PRR16: variants seen among roughly 807,000 people sequenced by gnomAD.
PRR16 encodes protein Largen.
A neutral mutation model predicts 18.2 loss-of-function variants in PRR16; 6 were observed. That is an observed-to-expected ratio of 0.33 (90% CI 0.18 to 0.65). PRR16 has a LOEUF of 0.65. Ranked by LOEUF, PRR16 falls within the 30% of genes least tolerant of loss-of-function variation. The pLI, the probability that PRR16 is intolerant of heterozygous loss-of-function variation, is 0.74. For synonymous variants in PRR16, 151 were observed against 147.8 expected (o/e 1.02, Z -0.16); for missense variants, 412 against 376.6 (o/e 1.09, Z -0.78).
chr5:120,766,874 C>T, the PRR16 span, among the ~76,000 whole-genome samples: 1 of 151,950 alleles, frequency 6.6e-6, no homozygotes, highest in Non-Finnish European at 1.5e-5. Context: ...TCAATTCTGG[C>T]AGGTAGAATA....
chr5:120,791,988 A>T, the PRR16 span, among the ~76,000 whole-genome samples: 1 of 152,158 alleles, frequency 6.6e-6, no homozygotes, highest in African/African-American at 2.4e-5. Context: ...TCAAATTGCC[A>T]GTTCCTGTGA....
intron 1 of PRR16, among the ~76,000 whole-genome samples, chr5:120,523,720 TACA>T (rs751792865): frequency 2.0e-5 from 3 of 152,192 alleles, no homozygotes; most frequent in Admixed American, 6.5e-5. Flanking sequence ...TTTAAATTAA[TACA>T]ACATCTTTTC....
At chr5:120,789,615 ATTTC>A in the PRR16 span, among the ~76,000 whole-genome samples, 1 of 152,138 alleles carries the variant, frequency 6.6e-6, no homozygotes, top group South Asian at 2.1e-4. Context: ...ATGGAAAAGC[ATTTC>A]TTAACTATTT....
intron 1 of PRR16, among the ~76,000 whole-genome samples, chr5:120,533,256 A>G (rs1243591784): frequency 6.6e-6 from 1 of 152,208 alleles, no homozygotes; most frequent in Non-Finnish European, 1.5e-5. Flanking sequence ...CTTCCACAAG[A>G]AATATTTATT....
the PRR16 span, among the ~76,000 whole-genome samples, chr5:120,705,901 A>G: frequency 2.6e-5 from 4 of 152,192 alleles, no homozygotes; most frequent in African/African-American, 9.6e-5. Flanking sequence ...GAAGTATTCT[A>G]ACAGCAAAGA....
At chr5:120,633,729 TAC>T (rs1337953303) in intron 1 of PRR16, among the ~76,000 whole-genome samples, 1 of 149,118 alleles carries the variant, frequency 6.7e-6, no homozygotes, top group African/African-American at 2.5e-5. Context: ...GTAAAACAGT[TAC>T]TACTAGACCT....
At chr5:120,699,959 A>G in the PRR16 span, among the ~76,000 whole-genome samples, 6 of 152,212 alleles carry the variant, frequency 3.9e-5, no homozygotes, top group Non-Finnish European at 5.9e-5. Context: ...GAAGCTTTGC[A>G]GCAGTACAGC....
chr5:120,572,631 C>T (rs944599321), intron 1 of PRR16, among the ~76,000 whole-genome samples: 3 of 152,016 alleles, frequency 2.0e-5, no homozygotes, highest in African/African-American at 7.2e-5. Flanking sequence ...ATTAATGGGA[C>T]TACATGAGTT....
intron 1 of PRR16, among the ~76,000 whole-genome samples, chr5:120,656,793 G>C (rs1340170370): frequency 6.6e-6 from 1 of 151,864 alleles, no homozygotes; most frequent in Non-Finnish European, 1.5e-5. Flanking sequence ...TAAACTGTTT[G>C]GGAATTTATT....
At chr5:120,617,070 TAA>T in intron 1 of PRR16, 1 of 970,770 alleles carries the variant, frequency 1.0e-6, no homozygotes, top group Non-Finnish European at 1.2e-6. Flanking sequence ...AACTATTTTT[TAA>T]AGTTTTCTAA....
chr5:120,780,507 C>T, the PRR16 span, among the ~76,000 whole-genome samples: 76 of 152,172 alleles, frequency 5.0e-4, 1 homozygote, highest in East Asian at 0.014. Flanking sequence ...GACGGAAAAA[C>T]ATTTTCGTTT....
the PRR16 span, among the ~76,000 whole-genome samples, chr5:120,788,690 T>A: frequency 1.3e-5 from 2 of 152,138 alleles, no homozygotes; most frequent in Admixed American, 1.3e-4. Context: ...TTCTTGCATC[T>A]TCTTAAGCAA....
intron 1 of PRR16, among the ~76,000 whole-genome samples, chr5:120,676,420 C>G (rs540047632): frequency 6.6e-6 from 1 of 151,958 alleles, no homozygotes; most frequent in Non-Finnish European, 1.5e-5. Flanking sequence ...ATGGAGCACA[C>G]CCCCTTGGTA....
At chr5:120,595,692 A>G (rs1380841691) in intron 1 of PRR16, among the ~76,000 whole-genome samples, 1 of 151,982 alleles carries the variant, frequency 6.6e-6, no homozygotes, top group Non-Finnish European at 1.5e-5. Context: ...TAAAAGTTAA[A>G]AAAATTCAAT....
intron 1 of PRR16, among the ~76,000 whole-genome samples, chr5:120,597,158 T>A (rs548753551): frequency 6.6e-6 from 1 of 151,746 alleles, no homozygotes; most frequent in African/African-American, 2.4e-5. Flanking sequence ...TCTTTTTACA[T>A]TGATTTATAG....
At chr5:120,609,031 A>C (rs1456273689) in intron 1 of PRR16, among the ~76,000 whole-genome samples, 1 of 152,148 alleles carries the variant, frequency 6.6e-6, no homozygotes, top group East Asian at 1.9e-4. Context: ...TATTCATCCT[A>C]AAATGACCAC....
At chr5:120,770,950 T>TCTCTCACA in the PRR16 span, among the ~76,000 whole-genome samples, 1,172 of 148,956 alleles carry the variant, frequency 7.9e-3, 9 homozygotes, top group Middle Eastern at 0.056. Context: ...TCTCTCTCTC[T>TCTCTCACA]CACACACACA....
chr5:120,650,266 A>G (rs1755732610), intron 1 of PRR16, among the ~76,000 whole-genome samples: 1 of 151,688 alleles, frequency 6.6e-6, no homozygotes, highest in Admixed American at 6.6e-5. Flanking sequence ...AAAAAGAAAG[A>G]ATAAGAAATA....
intron 1 of PRR16, among the ~76,000 whole-genome samples, chr5:120,574,007 AG>A (rs1294631245): frequency 1.3e-5 from 2 of 152,104 alleles, no homozygotes; most frequent in East Asian, 1.9e-4. Context: ...ATAGAAAAAA[AG>A]AATATATTCA....
Sources: gnomAD v4.1 joint callset for allele counts (sites outside exome capture counted in the v4.1 genomes callset) on GRCh38, gnomAD v4.1.1 for gene constraint, MANE v1.5 for transcripts, NCBI Gene and HGNC (gene_info 2026-07-23, HGNC 2026-07-21) for gene names.